DPP9: variants seen among roughly 807,000 people sequenced by gnomAD.
The protein encoded by DPP9 is dipeptidyl peptidase 9.
In DPP9, 50 loss-of-function variants were observed where a neutral mutation model predicts 110.7. That is an observed-to-expected ratio of 0.45 (90% CI 0.36 to 0.57). The LOEUF is 0.57. Ranked by LOEUF, DPP9 falls within the 20% of genes least tolerant of loss-of-function variation. The pLI, the probability that DPP9 is intolerant of heterozygous loss-of-function variation, is 0.00. For missense variants in DPP9, 1,022 were observed against 1,217.9 expected (o/e 0.84, Z 2.39); for synonymous variants, 561 against 514.4 (o/e 1.09, Z -1.23).
intron 21 of DPP9, among the ~76,000 whole-genome samples, chr19:4,678,125 T>C (rs2089163027): frequency 6.6e-6 from 1 of 151,936 alleles, no homozygotes; most frequent in Admixed American, 6.5e-5. Context: ...TTTTTTTTTT[T>C]CTTTTGAGAC....
chr19:4,690,505 CACA>C lies in DPP9; in HGVS notation c.1596+370_1596+372del, dbSNP rs1187909588. ...TTCCAGTCGGGGGAGCATCATGCCC[CACA>C]ACAAGGCAGCTGGACGCATGGCCCC... is the stretch of plus-strand genomic sequence containing the variant. On this transcript the variant is annotated intron_variant, in intron 14 of 21. Coordinates refer to ENST00000262960, the MANE Select transcript of DPP9 (RefSeq NM_139159.5). 6.6e-5 allele frequency among the ~76,000 whole-genome samples: 10 copies of C among 152,336 alleles called. No individual in the cohort carries two copies. In the Middle Eastern group the frequency reaches 0.01, roughly 155 times the overall value.
chr19:4,694,932 G>C lies in DPP9; in HGVS notation c.1354-109C>G, dbSNP rs186737965. The C allele has an allele frequency of 1.2e-4, 131 of 1,116,348 alleles. 2 individuals are homozygous for C. The African/African-American group carries it at 2.0e-3, about 17-fold the overall frequency. 69.2% of individuals were successfully genotyped at this position (1,116,348 alleles called of 1,614,324 possible). A position where few individuals can be genotyped will look rare whatever the true frequency, so the allele number is the denominator to read the frequency against. On this transcript the variant is annotated intron_variant, in intron 12 of 21. Transcript: ENST00000262960. This position sits in a 1 kb window ranked among gnomAD's most constrained non-coding sequence, Gnocchi z 4.0. ...GGAGGCTGGGGCAGGAGACTTGCTTGAGCCCAGGAATTTCAGAGACCAGCC... is the reference window on the plus strand; with the variant it reads ...GGAGGCTGGGGCAGGAGACTTGCTTCAGCCCAGGAATTTCAGAGACCAGCC...
intron 16 of DPP9, 179 bp downstream of exon 16, chr19:4,688,578 G>T: frequency 2.5e-6 from 2 of 787,314 alleles, no homozygotes; most frequent in East Asian, 3.4e-5. Context: ...GTCTCGGACG[G>T]CAGGGGCTGT....
rs559024100 is a variant in DPP9 at position 4,684,895 on chromosome 19, G to A, written c.2032-86C>T. The A allele has an allele frequency of 2.6e-4, 391 of 1,512,988 alleles. 1 individual carries two copies. The African/African-American group carries it at 4.3e-3, about 17-fold the overall frequency. The allele number at this position is 1,512,988 out of a possible 1,614,324, so 93.7% of individuals were successfully genotyped here. ...GGGAGATGCCGGTGGGCTGGGGACC[G>A]GGCCGGGCTGGGGCCTCAGAGCCTA... On this transcript the variant is annotated intron_variant, in intron 17 of 21. Transcript: ENST00000262960. This position sits in a 1 kb window ranked among gnomAD's most constrained non-coding sequence, Gnocchi z 4.8.
At position 4,683,474 on chromosome 19, in the gene DPP9, C is replaced by T. The variant is rs1303111517; in HGVS notation, c.2331+3G>A. The T allele has an allele frequency of 6.2e-7, 1 of 1,612,784 alleles. No individual in the cohort carries two copies. Among genetic ancestry groups the T allele is most frequent in the Non-Finnish European group, 8.5e-7 (1 of 1,179,848 alleles). On this transcript the variant is annotated splice_donor_region_variant and intron_variant, in intron 19 of 21. Transcript: ENST00000262960. ...GCTGAGGCCGGCCAGGGGTGGGACC[C>T]ACCTTGAACACCTGGGGCTTGTGGA...
At position 4,679,868 on chromosome 19, in the gene DPP9, T is replaced by C. The variant is rs1191002164; in HGVS notation, c.2553A>G (p.Gln851=). The stretch of plus-strand genomic sequence containing the variant: ...GGTAAGGTTTCCCTGCTCGGATCAG[T>C]TGGGAGACGAGGAAGTTTGTGTGGA... ...HFFHTNFLVS[Q]LIRAGKPYQL... is the part of the protein sequence containing the mutation. Residue 851 remains glutamine, a synonymous_variant, in exon 21 of 22, where the codon CAA becomes CAG. Transcript: ENST00000262960. 1.9e-6 allele frequency: 3 copies of C among 1,612,928 alleles called. No homozygotes were observed. Among genetic ancestry groups the C allele is most frequent in the Non-Finnish European group, 2.5e-6 (3 of 1,179,586 alleles).
chr19:4,704,614 GC>G lies in DPP9; in HGVS notation c.427-311del, dbSNP rs2092480499. On this transcript the variant is annotated intron_variant, in intron 5 of 21. Transcript: ENST00000262960. This position sits in a 1 kb window ranked among gnomAD's most constrained non-coding sequence, Gnocchi z 6.0. ...CAGACCCTCTCCATAGCAGATGGGG[GC>G]CCCTGGGAGGGGCTGTCCCTGCCCC... 6.6e-6 allele frequency among the ~76,000 whole-genome samples: 1 copy of G among 152,110 alleles called. No homozygotes were observed. The highest frequency in any genetic ancestry group is 2.4e-5 in the African/African-American group (1 of 41,426).
chr19:4,690,957 T>C lies in DPP9; in HGVS notation c.1517A>G (p.Asp506Gly). 1.9e-6 allele frequency: 3 copies of C among 1,611,806 alleles called. No homozygotes were observed. The highest frequency in any genetic ancestry group is 2.7e-5 in the African/African-American group (2 of 75,000). The change falls in exon 14 of 22, where the codon GAT (aspartate) becomes GGT (glycine). Residue 506 changes from aspartate to glycine, a missense_variant and splice_region_variant. By Grantham distance (94) the Asp-to-Gly change is moderately conservative (BLOSUM62 -1). Around this residue, in one of 3 missense-constraint regions of DPP9, gnomAD observed 810 missense variants for 920.6 expected, o/e 0.88. Coordinates refer to ENST00000262960, the MANE Select transcript of DPP9 (RefSeq NM_139159.5). ...DWSEPFSPGE[D>G]EFKCPIKEEI... ...TTCCTTAATGGGGCACTTAAATTCA[T>C]CTGGAAAGAAAGAAAGAAGGGAGGT...
chr19:4,692,889 G>A (rs2091452394), intron 13 of DPP9, among the ~76,000 whole-genome samples: 1 of 152,132 alleles, frequency 6.6e-6, no homozygotes, highest in Admixed American at 6.6e-5. Context: ...TCCCACCCAG[G>A]AGGACCCCGA....
intron 16 of DPP9, among the ~76,000 whole-genome samples, chr19:4,686,187 C>T (rs1015897415): frequency 6.6e-6 from 1 of 151,754 alleles, no homozygotes; most frequent in Admixed American, 6.6e-5. Flanking sequence ...TTCCTGGGTT[C>T]AAGCGATTAT....
chr19:4,686,896 G>C (rs949841751), intron 16 of DPP9, among the ~76,000 whole-genome samples: 1 of 152,214 alleles, frequency 6.6e-6, no homozygotes, highest in Non-Finnish European at 1.5e-5. Flanking sequence ...CATCTGCTGC[G>C]GTAGCGCTAA....
rs535658718 is a variant in DPP9, at chr19:4,689,707, C to T, written c.1612G>A (p.Glu538Lys). The T allele has an allele frequency of 1.3e-6, 2 of 1,550,440 alleles. No individual in the cohort carries two copies. The highest frequency in any genetic ancestry group is 2.0e-5 in the Admixed American group (1 of 50,920). ...CCCTGGAAGTACACCAGCTTGGTCTCCTCATTGACCCAGATCTGCAGGGGG... is the reference window on the plus strand; with the variant it reads ...CCCTGGAAGTACACCAGCTTGGTCTTCTCATTGACCCAGATCTGCAGGGGG... ...RHGSKIWVNEETKLVYFQGTK... is the reference protein window; with the variant it reads ...RHGSKIWVNEKTKLVYFQGTK... Residue 538 changes from glutamate (E) to lysine (K), a missense_variant, in exon 15 of 22, where the codon GAG (glutamate) becomes AAG (lysine). Glu to Lys is a moderately conservative substitution (Grantham distance 56, BLOSUM62 1). Around this residue, in one of 3 missense-constraint regions of DPP9, gnomAD observed 810 missense variants for 920.6 expected, o/e 0.88. Transcript: ENST00000262960. This position sits in a 1 kb window ranked among gnomAD's most constrained non-coding sequence, Gnocchi z 7.0.
intron 18 of DPP9, 182 bp from the exon 19 acceptor site, chr19:4,683,811 C>A: frequency 6.5e-7 from 1 of 1,537,086 alleles, no homozygotes; most frequent in Non-Finnish European, 8.7e-7. Flanking sequence ...TGGACAGATC[C>A]AGCAGCCATC....
At chr19:4,714,471 A>C (rs1468756171) in intron 3 of DPP9, 134 bp from the exon 4 acceptor site, 1 of 1,178,448 alleles carries the variant, frequency 8.5e-7, no homozygotes, top group Non-Finnish European at 1.1e-6. Context: ...CTCCCTAAAC[A>C]CTTCTTGGGT....
At position 4,685,786 on chromosome 19, in the gene DPP9, G is replaced by A; in HGVS notation, c.1886-15C>T. On this transcript the variant is annotated splice_polypyrimidine_tract_variant and intron_variant, in intron 16 of 21. Coordinates refer to ENST00000262960, the MANE Select transcript of DPP9 (RefSeq NM_139159.5). The surrounding 1 kb of genome is among the most constrained non-coding windows in gnomAD (Gnocchi z 5.8). ...CGGGGGGCAGCCTGCGGGAGACAGGGCGGCTATCTGGCTGCCCGGGGAAGC... is the reference window on the plus strand; with the variant it reads ...CGGGGGGCAGCCTGCGGGAGACAGGACGGCTATCTGGCTGCCCGGGGAAGC... 1.2e-6 allele frequency: 2 copies of A among 1,610,420 alleles called. No homozygotes were observed. The highest frequency in any genetic ancestry group is 2.2e-5 in the East Asian group (1 of 44,860).
chr19:4,704,325 G>T lies in DPP9; in HGVS notation c.427-21C>A, dbSNP rs1018195180. ...GTGGCCTGGAAACATACAGGGGACA[G>T]GGGGCAGCGTCAGTGGGCAAAGAGG... On this transcript the variant is annotated intron_variant, in intron 5 of 21. Transcript: ENST00000262960. The surrounding 1 kb of genome is among the most constrained non-coding windows in gnomAD (Gnocchi z 6.0). 4 of 1,596,178 alleles carry T rather than the reference G, an allele frequency of 2.5e-6. No homozygotes were observed. The highest frequency in any genetic ancestry group is 8.5e-7 in the Non-Finnish European group (1 of 1,169,886).
chr19:4,713,879 CG>C (rs199622499), intron 4 of DPP9, among the ~76,000 whole-genome samples: 1,592 of 152,180 alleles, frequency 0.01, 16 homozygotes, highest in Non-Finnish European at 0.016. Context: ...GCTGACCCTC[CG>C]GGGGCCGCCC....
chr19:4,713,742 CAG>C (rs955214952), intron 4 of DPP9, among the ~76,000 whole-genome samples: 18 of 152,262 alleles, frequency 1.2e-4, no homozygotes, highest in African/African-American at 3.6e-4. Flanking sequence ...GGAAGTGACT[CAG>C]GGGGTGGACC....
rs781720206 is a variant in DPP9, at chr19:4,714,288, G to A, written c.106C>T (p.Pro36Ser). The change falls in exon 4 of 22, where the codon CCA (proline) becomes TCA (serine). Residue 36 changes from proline (P) to serine (S), a missense_variant. Physicochemically the swap from Pro to Ser is moderately conservative, Grantham distance 74. Transcript: ENST00000262960. ...GCTGCGTCGCCTCGGTCGGCCGTTG[G>A]GGTCCCGGTGGTGGCCATCCTCTCA... is the stretch of plus-strand genomic sequence containing the variant. ...GAERMATTGT[P>S]TADRGDAAAT... 6.5e-7 allele frequency: 1 copy of A among 1,545,506 alleles called. No homozygotes were observed. Among genetic ancestry groups the A allele is most frequent in the Non-Finnish European group, 8.7e-7 (1 of 1,148,944 alleles).
Sources: allele counts gnomAD v4.1 joint callset (sites outside exome capture counted in the v4.1 genomes callset), GRCh38; gene constraint gnomAD v4.1.1; regional missense constraint gnomAD v4.1.1; non-coding constraint Gnocchi (gnomAD v3.1); transcripts MANE v1.5; gene names NCBI Gene and HGNC (gene_info 2026-07-23, HGNC 2026-07-21).